The following SLC7A10 variants were observed in gnomAD, a reference collection of about 807,000 sequenced individuals.
The protein encoded by SLC7A10 is solute carrier family 7 member 10.
In SLC7A10, 30 loss-of-function variants were observed where a neutral mutation model predicts 52.7. The ratio of observed to expected loss-of-function variants is 0.57; its 90% CI spans 0.43 to 0.77. SLC7A10 has a LOEUF of 0.77. Ranked by LOEUF, SLC7A10 falls within the 30% of genes least tolerant of loss-of-function variation. SLC7A10 has a pLI of 0.00. For synonymous variants in SLC7A10, 318 were observed against 314.9 expected (o/e 1.01, Z -0.10); for missense variants, 581 against 698.5 (o/e 0.83, Z 1.90).
intron 5 of SLC7A10, 178 bp downstream of exon 5, chr19:33,212,114 G>T: frequency 2.4e-6 from 2 of 843,610 alleles, no homozygotes; most frequent in Non-Finnish European, 1.9e-6. Context: ...AGAGAACAGG[G>T]CCAGGCTAGA....
Position 33,208,876 on chromosome 19 carries a change from G to T in SLC7A10, c.*15C>A, listed in dbSNP as rs778538578. ...CATGTAAACAGAAACAACTGCTTCA[G>T]TCTCTACAAAAATCTCATTGTGGCT... On this transcript the variant is annotated 3_prime_UTR_variant, in exon 11 of 11. Coordinates refer to ENST00000253188, the MANE Select transcript of SLC7A10 (RefSeq NM_019849.3). This position sits in a 1 kb window ranked among gnomAD's most constrained non-coding sequence, Gnocchi z 4.7. 1 of 1,570,856 alleles carries T rather than the reference G, an allele frequency of 6.4e-7. No homozygotes were observed. Among genetic ancestry groups the T allele is most frequent in the Non-Finnish European group, 8.7e-7 (1 of 1,152,670 alleles).
chr19:33,216,987 A>G (rs1354273090), intron 1 of SLC7A10, among the ~76,000 whole-genome samples: 1 of 150,418 alleles, frequency 6.6e-6, no homozygotes, highest in Non-Finnish European at 1.5e-5. Context: ...AGATTCTCCC[A>G]CGTCAGTCTC....
Position 33,209,503 on chromosome 19 carries a change from G to A in SLC7A10, c.1264-18C>T. On this transcript the variant is annotated intron_variant, in intron 9 of 10. Transcript: ENST00000253188. ...AGGTTCACCTGGGGAAGGGGGAGCAGAAACACCGATGGTGCAGGGCCTCCA... is the reference window on the plus strand; with the variant it reads ...AGGTTCACCTGGGGAAGGGGGAGCAAAAACACCGATGGTGCAGGGCCTCCA... 1.2e-6 allele frequency: 2 copies of A among 1,613,270 alleles called. No individual in the cohort carries two copies. The highest frequency in any genetic ancestry group is 1.7e-6 in the Non-Finnish European group (2 of 1,179,850).
intron 2 of SLC7A10, 110 bp from the exon 3 acceptor site, chr19:33,213,112 C>T (rs1298403419): frequency 5.5e-6 from 8 of 1,464,850 alleles, no homozygotes; most frequent in Middle Eastern, 2.4e-4. Context: ...CGGGGGCTGG[C>T]GAGGCTGCCA....
intron 1 of SLC7A10, among the ~76,000 whole-genome samples, chr19:33,220,577 A>G (rs901275718): frequency 1.3e-5 from 2 of 151,628 alleles, no homozygotes; most frequent in East Asian, 3.9e-4. Flanking sequence ...TTTTCTTTCT[A>G]TGCTTTCTTG....
At chr19:33,214,082 A>C (rs976093989) in intron 2 of SLC7A10, among the ~76,000 whole-genome samples, 3 of 152,010 alleles carry the variant, frequency 2.0e-5, no homozygotes, top group African/African-American at 7.2e-5. Context: ...CCATCCCCGC[A>C]TGTTCCGTGC....
chr19:33,219,215 G>C (rs897378271), intron 1 of SLC7A10, among the ~76,000 whole-genome samples: 1 of 152,130 alleles, frequency 6.6e-6, no homozygotes, highest in South Asian at 2.1e-4. Flanking sequence ...CCTTCCCAGA[G>C]TCTCCACCAC....
chr19:33,221,703 T>C (rs957707614), intron 1 of SLC7A10, among the ~76,000 whole-genome samples: 1 of 151,834 alleles, frequency 6.6e-6, no homozygotes, highest in African/African-American at 2.4e-5. Flanking sequence ...CAGGGATTGG[T>C]TCCTGAGGAG....
Position 33,210,437 on chromosome 19 carries a change from G to T in SLC7A10, c.1263+30C>A. The T allele has an allele frequency of 6.4e-7, 1 of 1,557,234 alleles. No individual in the cohort carries two copies. The highest frequency in any genetic ancestry group is 1.2e-5 in the South Asian group (1 of 86,154). On this transcript the variant is annotated intron_variant, in intron 9 of 10. Coordinates refer to ENST00000253188, the MANE Select transcript of SLC7A10 (RefSeq NM_019849.3). This position sits in a 1 kb window ranked among gnomAD's most constrained non-coding sequence, Gnocchi z 5.6. ...TGCAGGGGTGGCTCTGGCAGCACCC[G>T]GCACAGGGCCAGCTGTCCCAGGGCC...
At chr19:33,211,593 G>A (rs1046749003) in intron 5 of SLC7A10, 56 bp from the exon 6 acceptor site, 42 of 1,612,642 alleles carry the variant, frequency 2.6e-5, no homozygotes, top group South Asian at 1.3e-4. Context: ...CAGGACCCCC[G>A]AGACCCAGCC....
At chr19:33,221,280 A>T (rs764268645) in intron 1 of SLC7A10, 1 of 152,054 alleles carries the variant, frequency 6.6e-6, no homozygotes, top group Non-Finnish European at 1.5e-5. Context: ...CAATACACAC[A>T]TTCAGCTTGT....
At chr19:33,211,135 G>T in intron 7 of SLC7A10, 90 bp downstream of exon 7, 1 of 1,274,684 alleles carries the variant, frequency 7.8e-7, no homozygotes, top group East Asian at 2.3e-5. Flanking sequence ...TCCCCCGGCA[G>T]GTGTCCCTTC....
At position 33,210,887 on chromosome 19, in the gene SLC7A10, G is replaced by C. The variant is rs749963085; in HGVS notation, c.1028C>G (p.Ser343Cys). 6.2e-7 allele frequency: 1 copy of C among 1,613,220 alleles called. No homozygotes were observed. Among genetic ancestry groups the C allele is most frequent in the African/African-American group, 1.3e-5 (1 of 74,938 alleles). The change falls in exon 8 of 11, where the codon TCT becomes TGT. Residue 343 changes from serine to cysteine, a missense_variant. Physicochemically the swap from Ser to Cys is moderately radical, Grantham distance 112. Coordinates refer to ENST00000253188, the MANE Select transcript of SLC7A10 (RefSeq NM_019849.3). The surrounding 1 kb of genome is among the most constrained non-coding windows in gnomAD (Gnocchi z 5.6). ...GGGCAGGTGCCCCTCGCGGGCTCCA[G>C]AGAAGCACAGCCTAGCGTTGGGGAC... The part of the protein sequence containing the change: ...YLFTYSRLCF[S>C]GAREGHLPSL...
In SLC7A10 at chr19:33,212,578, G is replaced by A; in HGVS notation, c.570C>T (p.Phe190=). ...ACAAGGCCAGCAGCTTCCCGCCTGT[G>A]AACATGTCCTGGATGCGCGTGGCCC... is the stretch of plus-strand genomic sequence containing the variant. ...VRWATRIQDM[F]TGGKLLALSL... The change falls in exon 4 of 11, where the codon TTC becomes TTT. Residue 190 remains phenylalanine, a synonymous_variant. Coordinates refer to ENST00000253188, the MANE Select transcript of SLC7A10 (RefSeq NM_019849.3). The A allele has an allele frequency of 6.2e-7, 1 of 1,614,016 alleles. No individual in the cohort carries two copies. The highest frequency in any genetic ancestry group is 8.5e-7 in the Non-Finnish European group (1 of 1,180,050).
Position 33,210,973 on chromosome 19 carries a change from G to A in SLC7A10, c.1017-75C>T. ...TTGGACCTGATGTCCCTCTTAAGCTGTCGCCTCTGACCTCCTGCTCCGGGC... is the reference window on the plus strand; with the variant it reads ...TTGGACCTGATGTCCCTCTTAAGCTATCGCCTCTGACCTCCTGCTCCGGGC... On this transcript the variant is annotated intron_variant, in intron 7 of 10. Coordinates refer to ENST00000253188, the MANE Select transcript of SLC7A10 (RefSeq NM_019849.3). This position sits in a 1 kb window ranked among gnomAD's most constrained non-coding sequence, Gnocchi z 5.6. The A allele has an allele frequency of 1.4e-6, 2 of 1,431,184 alleles. No homozygotes were observed. The highest frequency in any genetic ancestry group is 1.2e-5 in the South Asian group (1 of 86,154). 88.7% of individuals were successfully genotyped at this position (1,431,184 alleles called of 1,614,324 possible).
Position 33,214,687 on chromosome 19 carries a change from ATCT to A in SLC7A10, c.356+1079_356+1081del, listed in dbSNP as rs375754080. ...TGGTCAGCTAGGCCCGGTGGGGAAA[ATCT>A]TCTTCCTCCCAGCCTTAGGGCAAGC... On this transcript the variant is annotated intron_variant, in intron 2 of 10. Transcript: ENST00000253188. Among the ~76,000 whole-genome samples the A allele has an allele frequency of 4.3e-3, 662 of 152,254 alleles. 6 individuals are homozygous for A. Among genetic ancestry groups the A allele is most frequent in the Middle Eastern group, 0.02 (6 of 294 alleles).
chr19:33,210,563 G>A lies in SLC7A10; in HGVS notation c.1167C>T (p.Asn389=), dbSNP rs140715353. Residue 389 remains asparagine, a synonymous_variant, in exon 9 of 11, where the codon AAC becomes AAT. Transcript: ENST00000253188. This position sits in a 1 kb window ranked among gnomAD's most constrained non-coding sequence, Gnocchi z 5.6. ...AGAGGTAGTTGATGAAGGACACATAGTTGATGAGCGTGTACGTGTCGCCCA... is the reference window on the plus strand; with the variant it reads ...AGAGGTAGTTGATGAAGGACACATAATTGATGAGCGTGTACGTGTCGCCCA... ...MLVGDTYTLI[N]YVSFINYLCY... 78 of 1,612,206 alleles carry A rather than the reference G, an allele frequency of 4.8e-5. No individual in the cohort carries two copies. The African/African-American group carries it at 7.1e-4, about 15-fold the overall frequency.
chr19:33,215,581 G>GCACCCCCACACCTTCTCTCCATC (rs1974654230), intron 2 of SLC7A10, among the ~76,000 whole-genome samples, 188 bp downstream of exon 2: 1 of 115,766 alleles, frequency 8.6e-6, no homozygotes, highest in African/African-American at 3.2e-5. Flanking sequence ...AGGCTGTCCA[G>GCACCCCCACACCTTCTCTCCATC]CACCCCCACA....
chr19:33,212,130 AGCCCCCCG>A lies in SLC7A10; in HGVS notation c.788+154_788+161del, dbSNP rs1254229719. The A allele has an allele frequency of 1.8e-5, 18 of 997,912 alleles. 1 individual carries two copies. The Admixed American group carries it at 3.9e-4, about 22-fold the overall frequency. 61.8% of individuals were successfully genotyped at this position (997,912 alleles called of 1,614,324 possible). A position where few individuals can be genotyped will look rare whatever the true frequency, so the allele number is the denominator to read the frequency against. On this transcript the variant is annotated intron_variant, in intron 5 of 10. Transcript: ENST00000253188. ...GAGAACAGGGCCAGGCTAGAATGCAAGCCCCCCGGCTTTCTTCCCAGGGCCATTTTTGC... is the reference window on the plus strand; with the variant it reads ...GAGAACAGGGCCAGGCTAGAATGCAAGCTTTCTTCCCAGGGCCATTTTTGC...
Sources: gnomAD v4.1 joint callset for allele counts (sites outside exome capture counted in the v4.1 genomes callset) on GRCh38, gnomAD v4.1.1 for gene constraint, Gnocchi (gnomAD v3.1) non-coding constraint, MANE v1.5 for transcripts, NCBI Gene and HGNC (gene_info 2026-07-23, HGNC 2026-07-21) for gene names.